The following PRDM16 variants were observed in gnomAD, a reference collection of about 807,000 sequenced individuals.
PRDM16 encodes the protein PR/SET domain 16, also known as histone-lysine N-methyltransferase PRDM16.
A neutral mutation model predicts 110.6 loss-of-function variants in PRDM16; 23 were observed. The observed-to-expected ratio is 0.21, with a 90% confidence interval of 0.15 to 0.29. The LOEUF (loss-of-function observed/expected upper bound fraction) is 0.29. Ranked by LOEUF, PRDM16 falls within the 10% of genes least tolerant of loss-of-function variation. PRDM16 has a pLI of 1.00. For synonymous variants in PRDM16, 799 were observed against 781.8 expected (o/e 1.02, Z -0.37); for missense variants, 1,615 against 1,794.3 (o/e 0.90, Z 1.81).
chr1:3,108,352 T>G (rs1343455466), intron 1 of PRDM16, among the ~76,000 whole-genome samples: 1 of 152,252 alleles, frequency 6.6e-6, no homozygotes, highest in Non-Finnish European at 1.5e-5. Context: ...AACTTTTCTT[T>G]CATGCAGCTG....
At chr1:3,381,400 G>GTTTTTT (rs58504087) in intron 3 of PRDM16, among the ~76,000 whole-genome samples, 1 of 135,118 alleles carries the variant, frequency 7.4e-6, no homozygotes, top group African/African-American at 2.8e-5. Context: ...TTTTTTTCTG[G>GTTTTTT]TTTTTTTTTT....
At position 3,205,906 on chromosome 1, in the gene PRDM16, G is replaced by A. The variant is rs535268425; in HGVS notation, c.387+19432G>A. On this transcript the variant is annotated intron_variant, in intron 2 of 16. Transcript: ENST00000270722. ...ACTGGATGGAACCACCTGAATCTCC[G>A]GATCCCACACAATTAACCCTCTCCC... 62 of 152,336 alleles carry A rather than the reference G, an allele frequency of 4.1e-4. No individual in the cohort carries two copies. In the South Asian group the frequency reaches 0.011, roughly 27 times the overall value. 9.4% of individuals were successfully genotyped at this position (152,336 alleles called of 1,614,324 possible).
chr1:3,244,085 A>C lies in PRDM16; in HGVS notation c.388-2A>C, dbSNP rs1244233661. 6.2e-7 allele frequency: 1 copy of C among 1,613,982 alleles called. No individual in the cohort carries two copies. The highest frequency in any genetic ancestry group is 1.1e-5 in the South Asian group (1 of 91,084). On this transcript the variant is annotated splice_acceptor_variant, in intron 2 of 16. Transcript: ENST00000270722. LOFTEE classifies it high-confidence loss of function. This position sits in a 1 kb window ranked among gnomAD's most constrained non-coding sequence, Gnocchi z 4.1. ...ACAACCCCTCTCAAAATTGTTTTGCAGCAAATACTGACGGACGTGGAAGTG... is the reference window on the plus strand; with the variant it reads ...ACAACCCCTCTCAAAATTGTTTTGCCGCAAATACTGACGGACGTGGAAGTG...
intron 3 of PRDM16, among the ~76,000 whole-genome samples, chr1:3,369,515 G>A (rs935491537): frequency 1.3e-5 from 2 of 152,210 alleles, no homozygotes; most frequent in Non-Finnish European, 2.9e-5. Context: ...TTCCACATCC[G>A]CTGGGCAGCT....
At chr1:3,220,598 G>A (rs759513194) in intron 2 of PRDM16, among the ~76,000 whole-genome samples, 6 of 152,180 alleles carry the variant, frequency 3.9e-5, no homozygotes, top group South Asian at 2.1e-4. Flanking sequence ...GAAATGCAAC[G>A]GAAGGCTGAC....
At chr1:3,102,049 T>A (rs1642545199) in intron 1 of PRDM16, among the ~76,000 whole-genome samples, 1 of 152,114 alleles carries the variant, frequency 6.6e-6, no homozygotes, top group Admixed American at 6.5e-5. Context: ...GGGTCCTGAT[T>A]TACAAAACCA....
chr1:3,422,979 C>G (rs1307640505), intron 12 of PRDM16, among the ~76,000 whole-genome samples: 2 of 152,184 alleles, frequency 1.3e-5, no homozygotes, highest in African/African-American at 2.4e-5. Context: ...GGCTGAGGGT[C>G]ACTTCGGGGA....
intron 1 of PRDM16, among the ~76,000 whole-genome samples, chr1:3,131,048 G>A (rs2742668): frequency 0.32 from 49,168 of 151,978 alleles, 8,324 homozygotes; most frequent in African/African-American, 0.41. Context: ...GTCCTGCAGG[G>A]AGGCCCCTGC....
intron 3 of PRDM16, among the ~76,000 whole-genome samples, chr1:3,348,398 G>A (rs1041182538): frequency 2.0e-5 from 3 of 152,242 alleles, no homozygotes; most frequent in African/African-American, 4.8e-5. Context: ...AGCAGAGAGT[G>A]GAGAGAGGCC....
At chr1:3,193,757 G>C (rs1431936377) in intron 2 of PRDM16, among the ~76,000 whole-genome samples, 1 of 152,236 alleles carries the variant, frequency 6.6e-6, no homozygotes, top group East Asian at 1.9e-4. Flanking sequence ...TCTGTACTGG[G>C]GGAGGGGGTG....
chr1:3,135,132 G>A (rs1278964253), intron 1 of PRDM16, among the ~76,000 whole-genome samples: 3 of 152,216 alleles, frequency 2.0e-5, no homozygotes, highest in African/African-American at 7.2e-5. Flanking sequence ...GGGCTGCGGA[G>A]CACCCCAGGA....
intron 3 of PRDM16, among the ~76,000 whole-genome samples, chr1:3,364,758 G>A (rs368002577): frequency 1.3e-5 from 2 of 152,242 alleles, no homozygotes; most frequent in Admixed American, 6.5e-5. Flanking sequence ...TTTCATGGCC[G>A]GGCCAGGAGG....
intron 2 of PRDM16, among the ~76,000 whole-genome samples, chr1:3,233,813 G>T (rs754472493): frequency 1.2e-4 from 18 of 152,078 alleles, no homozygotes; most frequent in Admixed American, 3.9e-4. Flanking sequence ...GCGTCTCCAG[G>T]CTCATAAAGT....
At chr1:3,324,508 T>C (rs1002701603) in intron 3 of PRDM16, among the ~76,000 whole-genome samples, 1 of 152,154 alleles carries the variant, frequency 6.6e-6, no homozygotes, top group Non-Finnish European at 1.5e-5. Context: ...GCCAAAAGAC[T>C]GTACCTGACA....
intron 1 of PRDM16, among the ~76,000 whole-genome samples, chr1:3,120,775 G>T (rs1643076971): frequency 6.6e-6 from 1 of 152,178 alleles, no homozygotes; most frequent in Non-Finnish European, 1.5e-5. Context: ...CAGAGTCTGG[G>T]GACCCGGATG....
intron 3 of PRDM16, among the ~76,000 whole-genome samples, chr1:3,343,830 A>T (rs1022597764): frequency 3.3e-5 from 5 of 151,998 alleles, no homozygotes; most frequent in African/African-American, 1.2e-4. Flanking sequence ...TTTAGTAGAG[A>T]CAGGCTTTCA....
At chr1:3,355,753 G>A (rs1050574233) in intron 3 of PRDM16, among the ~76,000 whole-genome samples, 68 of 152,190 alleles carry the variant, frequency 4.5e-4, no homozygotes, top group Non-Finnish European at 4.4e-4. Context: ...GGTCTGAACC[G>A]TTCAGGGGTT....
At chr1:3,282,137 T>C (rs576671971) in intron 3 of PRDM16, among the ~76,000 whole-genome samples, 1 of 152,360 alleles carries the variant, frequency 6.6e-6, no homozygotes, top group African/African-American at 2.4e-5. Context: ...CATGAAAAGC[T>C]TCCGAACCTT....
intron 12 of PRDM16, among the ~76,000 whole-genome samples, chr1:3,420,371 C>T (rs181300884): frequency 1.0e-3 from 153 of 152,360 alleles, no homozygotes; most frequent in African/African-American, 3.5e-3. Context: ...GCTCAACCCC[C>T]CATGCCCGCC....
Sources: gnomAD v4.1 joint callset for allele counts (sites outside exome capture counted in the v4.1 genomes callset) on GRCh38, gnomAD v4.1.1 for gene constraint, Gnocchi (gnomAD v3.1) non-coding constraint, MANE v1.5 for transcripts, NCBI Gene and HGNC (gene_info 2026-07-23, HGNC 2026-07-21) for gene names.